The following GRIN2B variants were observed in gnomAD, a reference collection of about 807,000 sequenced individuals.
GRIN2B encodes the protein glutamate receptor ionotropic, NMDA 2B.
A neutral mutation model predicts 114.5 loss-of-function variants in GRIN2B; 5 were observed. The ratio of observed to expected loss-of-function variants is 0.04; its 90% CI spans 0.02 to 0.09. The LOEUF (loss-of-function observed/expected upper bound fraction) is 0.09, where lower values mean the gene tolerates loss of function less well. Among genes scored for constraint, GRIN2B ranks in the 10% least tolerant of loss-of-function variants. The pLI, the probability that GRIN2B is intolerant of heterozygous loss-of-function variation, is 1.00. For synonymous variants in GRIN2B, 787 were observed against 745.1 expected, an observed-to-expected ratio of 1.06 and a Z score of -0.92; for missense variants, 1,108 against 1,943.5, an observed-to-expected ratio of 0.57 and a Z score of 8.08.
At chr12:13,813,205 G>T (rs1864765595) in intron 3 of GRIN2B, among the ~76,000 whole-genome samples, 1 of 152,042 alleles carries the variant, frequency 6.6e-6, no homozygotes, top group African/African-American at 2.4e-5. Flanking sequence ...AAAGTGCTGG[G>T]ATTACAGGCG....
intron 10 of GRIN2B, among the ~76,000 whole-genome samples, chr12:13,599,349 A>G (rs1477276246): frequency 6.6e-6 from 1 of 152,140 alleles, no homozygotes; most frequent in Non-Finnish European, 1.5e-5. Context: ...TCTTGCCACC[A>G]TTACAGCTGG....
intron 2 of GRIN2B, among the ~76,000 whole-genome samples, chr12:13,881,806 C>A (rs756116624): frequency 2.6e-5 from 4 of 152,098 alleles, no homozygotes; most frequent in Non-Finnish European, 5.9e-5. Context: ...CCATACTACA[C>A]TTTCCTTCCT....
At chr12:13,884,426 T>C (rs1866120055) in intron 2 of GRIN2B, among the ~76,000 whole-genome samples, 1 of 152,180 alleles carries the variant, frequency 6.6e-6, no homozygotes, top group Non-Finnish European at 1.5e-5. Context: ...TTTCTAATTG[T>C]TCATTGATAA....
At chr12:13,767,671 A>G (rs1039725839) in intron 3 of GRIN2B, among the ~76,000 whole-genome samples, 1 of 152,166 alleles carries the variant, frequency 6.6e-6, no homozygotes, top group African/African-American at 2.4e-5. Flanking sequence ...TCTATGTAAC[A>G]ATTTACCAAC....
intron 10 of GRIN2B, among the ~76,000 whole-genome samples, chr12:13,579,212 G>A (rs1017977541): frequency 3.9e-5 from 6 of 152,230 alleles, no homozygotes; most frequent in Non-Finnish European, 8.8e-5. Context: ...AGCCTAGCAG[G>A]TATGGCCATG....
chr12:13,970,155 T>C (rs1867851304), intron 2 of GRIN2B, among the ~76,000 whole-genome samples: 1 of 152,160 alleles, frequency 6.6e-6, no homozygotes, highest in South Asian at 2.1e-4. Context: ...CAAGACCTCA[T>C]GGTGGAGCCT....
intron 2 of GRIN2B, among the ~76,000 whole-genome samples, chr12:13,898,393 C>T (rs1866387123): frequency 6.6e-6 from 1 of 152,202 alleles, no homozygotes; most frequent in Non-Finnish European, 1.5e-5. Context: ...TAGCCAAAGA[C>T]CACACAACTA....
chr12:13,586,081 T>C (rs144422232), intron 10 of GRIN2B, among the ~76,000 whole-genome samples: 1 of 152,338 alleles, frequency 6.6e-6, no homozygotes, highest in African/African-American at 2.4e-5. Flanking sequence ...AGTTCAATTT[T>C]TCCAGTTGAC....
At chr12:13,931,380 G>A in intron 2 of GRIN2B, among the ~76,000 whole-genome samples, 1 of 152,052 alleles carries the variant, frequency 6.6e-6, no homozygotes, top group South Asian at 2.1e-4. Flanking sequence ...TCCTTTTCTA[G>A]GTTCAATAAC....
chr12:13,653,484 G>T (rs1949837277), intron 5 of GRIN2B, among the ~76,000 whole-genome samples: 1 of 151,928 alleles, frequency 6.6e-6, no homozygotes, highest in Non-Finnish European at 1.5e-5. Context: ...CGGTACCCTG[G>T]AGTACATCAA....
At position 13,563,986 on chromosome 12, in the gene GRIN2B, T is replaced by C. The variant is rs1278344315; in HGVS notation, c.3252A>G (p.Gln1084=). 1.9e-6 allele frequency: 3 copies of C among 1,614,216 alleles called. No homozygotes were observed. Among genetic ancestry groups the C allele is most frequent in the Non-Finnish European group, 2.5e-6 (3 of 1,180,020 alleles). ...GCCGCTTCTTCAGGCTGTCCTTATA[T>C]TGCTGCTTACGCCTCTTGGCGGCAT... ...EGNAAKRRKQ[Q]YKDSLKKRPA... is the part of the protein sequence containing the mutation. The change falls in exon 14 of 14, where the codon CAA becomes CAG. Residue 1084 remains glutamine, a synonymous_variant. Transcript: ENST00000609686.
intron 4 of GRIN2B, among the ~76,000 whole-genome samples, chr12:13,751,689 G>T (rs933389221): frequency 6.6e-6 from 1 of 152,090 alleles, no homozygotes; most frequent in Non-Finnish European, 1.5e-5. Context: ...CTGTGAGTTC[G>T]AAGTGCCCAT....
chr12:13,617,198 G>C (rs1565478567), intron 5 of GRIN2B, among the ~76,000 whole-genome samples: 1 of 152,350 alleles, frequency 6.6e-6, no homozygotes, highest in Non-Finnish European at 1.5e-5. Context: ...GGAGAGCTAG[G>C]TGGATCTAAA....
intron 4 of GRIN2B, among the ~76,000 whole-genome samples, chr12:13,736,255 C>T (rs1391962554): frequency 6.6e-6 from 1 of 151,610 alleles, no homozygotes; most frequent in African/African-American, 2.4e-5. Flanking sequence ...TAAAGTATGG[C>T]AGCCAGTGCA....
In GRIN2B at chr12:13,866,117, C is replaced by T. The variant is rs746004289; in HGVS notation, c.92G>A (p.Ser31Asn). Residue 31 changes from serine to asparagine, a missense_variant, in exon 3 of 14, where the codon AGC becomes AAC. Ser to Asn is a conservative substitution (Grantham distance 46). Transcript: ENST00000609686. ...VSGSRARSQK[S>N]PPSIGIAVIL... The stretch of plus-strand genomic sequence containing the variant: ...GACAGCAATGCCAATGCTGGGGGGG[C>T]TCTTCTGAGAACGAGCTCTGCTGCC... 5 of 1,613,900 alleles carry T rather than the reference C, an allele frequency of 3.1e-6. No homozygotes were observed. Among genetic ancestry groups the T allele is most frequent in the East Asian group, 2.2e-5 (1 of 44,826 alleles).
chr12:13,708,306 G>A (rs1456234317), intron 4 of GRIN2B, among the ~76,000 whole-genome samples: 1 of 152,054 alleles, frequency 6.6e-6, no homozygotes, highest in Non-Finnish European at 1.5e-5. Context: ...AGTAGGCATT[G>A]TTATTTCCAT....
chr12:13,890,800 T>G (rs1454779237), intron 2 of GRIN2B, among the ~76,000 whole-genome samples: 3 of 152,134 alleles, frequency 2.0e-5, no homozygotes, highest in Non-Finnish European at 4.4e-5. Context: ...AACAGTGTGA[T>G]TCCTGCTCAG....
rs139154251 is a variant in GRIN2B, at chr12:13,696,713, C to T, written c.1011-20854G>A. Among the ~76,000 whole-genome samples, 25 of 152,294 alleles carry T rather than the reference C, an allele frequency of 1.6e-4. No homozygotes were observed. In the East Asian group the frequency reaches 4.6e-3, roughly 28 times the overall value. On this transcript the variant is annotated intron_variant, in intron 4 of 13. Coordinates refer to ENST00000609686, the MANE Select transcript of GRIN2B (RefSeq NM_000834.5). ...TTACAGGAACATGTTTAAGTCATGG[C>T]TCACTGTGATTCTCAGCTGTATGTT...
chr12:13,972,212 C>T lies in GRIN2B; in HGVS notation c.-19+7716G>A, dbSNP rs568952252. On this transcript the variant is annotated intron_variant, in intron 2 of 13. Coordinates refer to ENST00000609686, the MANE Select transcript of GRIN2B (RefSeq NM_000834.5). ...GTCTGAGCATGGGCATCATTCTTTT[C>T]TTTGTTGTTATTCTTGTTTAGTTTT... Among the ~76,000 whole-genome samples, 8 of 152,232 alleles carry T rather than the reference C, an allele frequency of 5.3e-5. No individual in the cohort carries two copies. The South Asian group carries it at 1.5e-3, about 28-fold the overall frequency.
Sources: allele counts gnomAD v4.1 joint callset (sites outside exome capture counted in the v4.1 genomes callset), GRCh38; gene constraint gnomAD v4.1.1; transcripts MANE v1.5; gene names NCBI Gene and HGNC (gene_info 2026-07-23, HGNC 2026-07-21).